Variants in CNBD1 observed in about 807,000 individuals in gnomAD.
CNBD1 encodes the protein cyclic nucleotide-binding domain-containing protein 1.
A neutral mutation model predicts 54.4 loss-of-function variants in CNBD1; 71 were observed. That is an observed-to-expected ratio of 1.30 (90% confidence interval 1.08 to 1.59). The LOEUF is 1.59. Ranked by LOEUF, CNBD1 falls within the 40% of genes most tolerant of loss-of-function variation. The pLI is 0.00. For missense variants in CNBD1, 659 were observed against 518.0 expected (o/e 1.27, Z -2.64); for synonymous variants, 182 against 170.7 (o/e 1.07, Z -0.51).
intron 8 of CNBD1, among the ~76,000 whole-genome samples, chr8:87,319,958 A>G (rs553598395): frequency 6.6e-6 from 1 of 152,130 alleles, no homozygotes; most frequent in East Asian, 1.9e-4. Flanking sequence ...CTTTTTGAGA[A>G]TGGCACTATT....
chr8:87,158,439 C>G (rs1003483368), intron 4 of CNBD1, among the ~76,000 whole-genome samples: 1 of 152,148 alleles, frequency 6.6e-6, no homozygotes, highest in African/African-American at 2.4e-5. Context: ...TAATGGAAAA[C>G]TATAATGAAA....
intron 2 of CNBD1, among the ~76,000 whole-genome samples, chr8:87,411,196 A>G (rs1340349244): frequency 6.6e-6 from 1 of 151,702 alleles, no homozygotes; most frequent in Non-Finnish European, 1.5e-5. Context: ...AATAGAGTGT[A>G]TAGCCATCCA....
chr8:87,226,370 G>A (rs1211188062), intron 5 of CNBD1, among the ~76,000 whole-genome samples: 1 of 150,374 alleles, frequency 6.7e-6, no homozygotes, highest in Non-Finnish European at 1.5e-5. Flanking sequence ...TTTCTCTTGT[G>A]AGCATTTAGT....
intron 6 of CNBD1, among the ~76,000 whole-genome samples, chr8:87,266,426 A>C (rs1390091128): frequency 6.9e-6 from 1 of 144,024 alleles, no homozygotes; most frequent in Non-Finnish European, 1.5e-5. Flanking sequence ...CCAAGTAAAA[A>C]AAAAAAAAAA....
intron 4 of CNBD1, among the ~76,000 whole-genome samples, chr8:86,955,789 G>A (rs933811663): frequency 9.2e-5 from 14 of 152,052 alleles, no homozygotes; most frequent in South Asian, 4.1e-4. Context: ...TTGCCTGTTC[G>A]CACTGATGGT....
At chr8:87,130,757 A>G (rs1051920292) in intron 4 of CNBD1, among the ~76,000 whole-genome samples, 2 of 151,240 alleles carry the variant, frequency 1.3e-5, no homozygotes, top group Non-Finnish European at 2.9e-5. Context: ...AGCTCAGGCC[A>G]CAGAACAAGA....
chr8:87,371,986 AG>A (rs1410342007), intron 10 of CNBD1, among the ~76,000 whole-genome samples: 5 of 151,882 alleles, frequency 3.3e-5, no homozygotes, highest in Non-Finnish European at 7.4e-5. Flanking sequence ...AGTTCTGGCC[AG>A]GGCAATTAGG....
chr8:87,027,564 C>A (rs986390183), intron 4 of CNBD1, among the ~76,000 whole-genome samples: 1 of 152,244 alleles, frequency 6.6e-6, no homozygotes, highest in Non-Finnish European at 1.5e-5. Context: ...GCCACCGTGC[C>A]TGGCCTGGCA....
intron 8 of CNBD1, among the ~76,000 whole-genome samples, chr8:87,330,329 T>A (rs1809797861): frequency 6.6e-6 from 1 of 151,776 alleles, no homozygotes; most frequent in African/African-American, 2.4e-5. Context: ...CTATTGATTT[T>A]CTGGTTTCAA....
chr8:87,305,480 G>A (rs1809122425), intron 8 of CNBD1, among the ~76,000 whole-genome samples: 1 of 152,078 alleles, frequency 6.6e-6, no homozygotes, highest in African/African-American at 2.4e-5. Context: ...GAAATCTGAG[G>A]CATCACACTA....
Position 87,266,392 on chromosome 8 carries a change from T to A in CNBD1, c.772-18286T>A, listed in dbSNP as rs146798114. 7.3e-3 allele frequency among the ~76,000 whole-genome samples: 1,037 copies of A among 142,550 alleles called. 21 individuals are homozygous for A. The highest frequency in any genetic ancestry group is 0.022 in the African/African-American group (842 of 38,866). The allele number at this position is 142,550 out of a possible 152,430, so 93.5% of individuals were successfully genotyped here. A position where few individuals can be genotyped will look rare whatever the true frequency, so the allele number is the denominator to read the frequency against. ...CGACTGATAGGTAAGCACACTGATA[T>A]GTAAGCAATTCCAAAAATGAGGTCC... On this transcript the variant is annotated intron_variant, in intron 6 of 10. Transcript: ENST00000518476.
chr8:87,066,744 T>G (rs1810663558), intron 4 of CNBD1, among the ~76,000 whole-genome samples: 1 of 151,950 alleles, frequency 6.6e-6, no homozygotes, highest in Non-Finnish European at 1.5e-5. Context: ...ATTGCTTCAA[T>G]TAGAATATAA....
downstream of CNBD1, among the ~76,000 whole-genome samples, chr8:87,383,048 A>T (rs1267185232): frequency 6.6e-6 from 1 of 152,064 alleles, no homozygotes; most frequent in Admixed American, 6.6e-5. Context: ...GGATTAAAAA[A>T]AATCTATAAA....
At chr8:87,224,013 T>C (rs1405703723) in intron 5 of CNBD1, among the ~76,000 whole-genome samples, 1 of 152,214 alleles carries the variant, frequency 6.6e-6, no homozygotes, top group East Asian at 1.9e-4. Flanking sequence ...CATTTTTTCA[T>C]GTGTTTTTTG....
At position 87,128,979 on chromosome 8, in the gene CNBD1, C is replaced by T. The variant is rs978218342; in HGVS notation, c.432-77014C>T. Among the ~76,000 whole-genome samples, 29 of 141,778 alleles carry T rather than the reference C, an allele frequency of 2.0e-4. 2 individuals are homozygous for T. Among genetic ancestry groups the T allele is most frequent in the Admixed American group, 1.4e-3 (19 of 13,356 alleles). The allele number at this position is 141,778 out of a possible 152,430, so 93.0% of individuals were successfully genotyped here. A position where few individuals can be genotyped will look rare whatever the true frequency, so the allele number is the denominator to read the frequency against. ...GCATGCACCTGTAGTCCCAGCTACT[C>T]AGGAGGCTTGAGCCCGGGAGACTGA... On this transcript the variant is annotated intron_variant, in intron 4 of 10. Coordinates refer to ENST00000518476, the MANE Select transcript of CNBD1 (RefSeq NM_173538.3).
intron 6 of CNBD1, among the ~76,000 whole-genome samples, chr8:87,280,988 G>GAC (rs1443459260): frequency 6.6e-6 from 1 of 151,342 alleles, no homozygotes; most frequent in African/African-American, 2.4e-5. Flanking sequence ...AAAAAATTGA[G>GAC]AGACTGAGCT....
Position 87,176,680 on chromosome 8 carries a change from G to A in CNBD1, c.432-29313G>A, listed in dbSNP as rs140858501. On this transcript the variant is annotated intron_variant, in intron 4 of 10. Transcript: ENST00000518476. ...TTTTTTTTTTTTTTTCATTAGAGAC[G>A]AGGTTTCTCCATGTTGGCCAGGCTG... Among the ~76,000 whole-genome samples, 465 of 147,502 alleles carry A rather than the reference G, an allele frequency of 3.2e-3. 3 individuals are homozygous for A. The highest frequency in any genetic ancestry group is 0.011 in the African/African-American group (432 of 40,274).
intron 8 of CNBD1, among the ~76,000 whole-genome samples, chr8:87,317,006 A>G (rs1809400548): frequency 6.6e-6 from 1 of 151,846 alleles, no homozygotes; most frequent in African/African-American, 2.4e-5. Flanking sequence ...TGAATTACAT[A>G]AACTTCTCTA....
chr8:87,281,571 TATATATATATATATA>T (rs1808601526), intron 6 of CNBD1, among the ~76,000 whole-genome samples: 2 of 49,140 alleles, frequency 4.1e-5, no homozygotes, highest in African/African-American at 1.5e-4. Flanking sequence ...TATATATATA[TATATATATATATATA>T]TATATATATA....
Sources: allele counts gnomAD v4.1 joint callset (sites outside exome capture counted in the v4.1 genomes callset), GRCh38; gene constraint gnomAD v4.1.1; transcripts MANE v1.5; gene names NCBI Gene and HGNC (gene_info 2026-07-23, HGNC 2026-07-21).